The following KCNQ3 variants were observed in gnomAD, a reference collection of about 807,000 sequenced individuals.
KCNQ3 encodes the protein potassium voltage-gated channel subfamily KQT member 3.
KCNQ3 carries 30 observed loss-of-function variants against 92.5 expected under a neutral mutation model. That is an observed-to-expected ratio of 0.32 (90% CI 0.24 to 0.44). KCNQ3 has a LOEUF of 0.44. KCNQ3 is among the 20% of genes least tolerant of loss of function. The probability of loss-of-function intolerance (pLI) is 1.00; values close to 1 mark genes in which losing one functional copy is unlikely to be tolerated. For missense variants in KCNQ3, 913 were observed against 1,140.3 expected (o/e 0.80, Z 2.87); for synonymous variants, 450 against 468.8 (o/e 0.96, Z 0.52).
chr8:132,329,098 G>A (rs1029103100), intron 1 of KCNQ3, among the ~76,000 whole-genome samples: 1 of 152,224 alleles, frequency 6.6e-6, no homozygotes. Context: ...TGCCCTTATG[G>A]AATTTCTCAT....
At chr8:132,219,705 T>G (rs1814156058) in intron 1 of KCNQ3, among the ~76,000 whole-genome samples, 1 of 152,112 alleles carries the variant, frequency 6.6e-6, no homozygotes, top group African/African-American at 2.4e-5. Flanking sequence ...GTTCTTACAC[T>G]CCTTCAAGAA....
intron 5 of KCNQ3, among the ~76,000 whole-genome samples, chr8:132,174,905 C>A (rs1375426077): frequency 4.6e-5 from 7 of 152,226 alleles, no homozygotes; most frequent in African/African-American, 1.4e-4. Flanking sequence ...TAGCCACTTA[C>A]TGGCTGAAAG....
At chr8:132,239,033 T>A (rs1163213626) in intron 1 of KCNQ3, among the ~76,000 whole-genome samples, 1 of 152,236 alleles carries the variant, frequency 6.6e-6, no homozygotes, top group Non-Finnish European at 1.5e-5. Context: ...AACTCATTAA[T>A]TGATGGACCC....
At chr8:132,391,169 C>T (rs886322458) in intron 1 of KCNQ3, among the ~76,000 whole-genome samples, 6 of 152,286 alleles carry the variant, frequency 3.9e-5, no homozygotes, top group Admixed American at 3.3e-4. Context: ...CTAGAGCATA[C>T]CTTGTAAGTG....
At chr8:132,385,709 A>T (rs996394585) in intron 1 of KCNQ3, among the ~76,000 whole-genome samples, 6 of 152,102 alleles carry the variant, frequency 3.9e-5, no homozygotes, top group Non-Finnish European at 8.8e-5. Context: ...TTGGTAGGAG[A>T]GGGGGAAGGG....
chr8:132,378,726 G>C (rs192482126), intron 1 of KCNQ3, among the ~76,000 whole-genome samples: 1 of 152,126 alleles, frequency 6.6e-6, no homozygotes, highest in Non-Finnish European at 1.5e-5. Context: ...AGTCTCACTC[G>C]TTCCATTCTT....
intron 1 of KCNQ3, among the ~76,000 whole-genome samples, chr8:132,242,379 C>T: frequency 6.6e-6 from 1 of 152,138 alleles, no homozygotes. Context: ...ACCTTCATAC[C>T]TTGCCTTATC....
chr8:132,141,943 A>G (rs1006057905), intron 9 of KCNQ3, among the ~76,000 whole-genome samples: 2 of 152,204 alleles, frequency 1.3e-5, no homozygotes, highest in Non-Finnish European at 2.9e-5. Context: ...AACTCCAGTA[A>G]TATCCTAAAT....
At chr8:132,247,220 T>C (rs1486787222) in intron 1 of KCNQ3, among the ~76,000 whole-genome samples, 1 of 152,170 alleles carries the variant, frequency 6.6e-6, no homozygotes, top group African/African-American at 2.4e-5. Context: ...AATTCTGACC[T>C]TTAGTAATGT....
intron 1 of KCNQ3, among the ~76,000 whole-genome samples, chr8:132,202,490 T>C (rs987461406): frequency 6.6e-6 from 1 of 152,158 alleles, no homozygotes; most frequent in Non-Finnish European, 1.5e-5. Flanking sequence ...ATTTCTTTTT[T>C]CTCTCATTTT....
intron 1 of KCNQ3, among the ~76,000 whole-genome samples, chr8:132,240,265 C>A (rs562734437): frequency 6.7e-6 from 1 of 148,740 alleles, no homozygotes; most frequent in South Asian, 2.1e-4. Context: ...CAGCTCACTG[C>A]AACCTCTGCC....
chr8:132,450,970 T>C (rs1821805533), intron 1 of KCNQ3, among the ~76,000 whole-genome samples: 1 of 152,222 alleles, frequency 6.6e-6, no homozygotes, highest in Non-Finnish European at 1.5e-5. Context: ...TGATGCCCTT[T>C]GTTCTGAGCC....
chr8:132,197,399 C>T (rs560266579), intron 1 of KCNQ3, among the ~76,000 whole-genome samples: 5 of 152,330 alleles, frequency 3.3e-5, no homozygotes, highest in South Asian at 2.1e-4. Flanking sequence ...CCAACACCTT[C>T]GCTCTATCCC....
chr8:132,423,288 G>A (rs988687427), intron 1 of KCNQ3, among the ~76,000 whole-genome samples: 5 of 152,192 alleles, frequency 3.3e-5, no homozygotes, highest in Admixed American at 2.0e-4. Flanking sequence ...CCACCAAACA[G>A]GCATTGGTGT....
intron 1 of KCNQ3, among the ~76,000 whole-genome samples, chr8:132,412,310 TG>T: frequency 6.6e-6 from 1 of 152,146 alleles, no homozygotes; most frequent in Non-Finnish European, 1.5e-5. Flanking sequence ...TAAGTCTCTA[TG>T]GGGCTTAGGA....
Position 132,480,648 on chromosome 8 carries a change from C to T in KCNQ3, c.-116G>A. The T allele has an allele frequency of 9.3e-7, 1 of 1,074,592 alleles. No individual in the cohort carries two copies. Among genetic ancestry groups the T allele is most frequent in the Non-Finnish European group, 1.2e-6 (1 of 866,334 alleles). 66.6% of individuals were successfully genotyped at this position (1,074,592 alleles called of 1,614,324 possible). On this transcript the variant is annotated 5_prime_UTR_variant, in exon 1 of 15. It removes an upstream start codon present in the reference 5' UTR. Coordinates refer to ENST00000388996, the MANE Select transcript of KCNQ3 (RefSeq NM_004519.4). ...GCTGCAAGCCCGGGAACTCCAATGCCATGATCCGCGCGCCCCTCCCCACCC... is the reference window on the plus strand; with the variant it reads ...GCTGCAAGCCCGGGAACTCCAATGCTATGATCCGCGCGCCCCTCCCCACCC...
intron 1 of KCNQ3, among the ~76,000 whole-genome samples, chr8:132,357,478 A>T (rs141602180): frequency 0.017 from 2,617 of 152,334 alleles, 28 homozygotes; most frequent in Non-Finnish European, 0.027. Context: ...TTGTGCTGGC[A>T]CCAGGGTCGC....
In KCNQ3 at chr8:132,254,277, C is replaced by T. The variant is rs192185302; in HGVS notation, c.387-68096G>A. ...AACTGGTGATAGAGATAGATGTGCT[C>T]GACTTTACACAAATGAGTGATTGGT... On this transcript the variant is annotated intron_variant, in intron 1 of 14. Coordinates refer to ENST00000388996, the MANE Select transcript of KCNQ3 (RefSeq NM_004519.4). 4.9e-3 allele frequency among the ~76,000 whole-genome samples: 749 copies of T among 152,190 alleles called. 7 individuals carry two copies. Among genetic ancestry groups the T allele is most frequent in the African/African-American group, 0.017 (722 of 41,522 alleles).
chr8:132,387,443 T>C (rs1192058542), intron 1 of KCNQ3, among the ~76,000 whole-genome samples: 1 of 152,178 alleles, frequency 6.6e-6, no homozygotes, highest in Non-Finnish European at 1.5e-5. Flanking sequence ...GGAAACATCT[T>C]AATTAATAGT....
Sources: allele counts gnomAD v4.1 joint callset (sites outside exome capture counted in the v4.1 genomes callset), GRCh38; gene constraint gnomAD v4.1.1; transcripts MANE v1.5; gene names NCBI Gene and HGNC (gene_info 2026-07-23, HGNC 2026-07-21).